The following FER1L5 variants were observed in gnomAD, a reference collection of about 807,000 sequenced individuals.
The protein encoded by FER1L5 is fer-1 like family member 5, also known as fer-1-like protein 5.
Under a neutral mutation model 279.9 loss-of-function variants are expected in FER1L5, and 187 were observed. That is an observed-to-expected ratio of 0.67 (90% CI 0.59 to 0.75). The LOEUF is 0.75. Ranked by LOEUF, FER1L5 falls within the 30% of genes least tolerant of loss-of-function variation. The probability of loss-of-function intolerance (pLI) is 0.00; values close to 1 mark genes in which losing one functional copy is unlikely to be tolerated. For synonymous variants in FER1L5, 921 were observed against 989.7 expected (o/e 0.93, Z 1.30); for missense variants, 2,091 against 2,594.4 (o/e 0.81, Z 4.21).
At position 96,647,055 on chromosome 2, in the gene FER1L5, C is replaced by G; in HGVS notation, c.139-9C>G. 1.3e-6 allele frequency: 2 copies of G among 1,551,372 alleles called. No individual in the cohort carries two copies. The highest frequency in any genetic ancestry group is 2.0e-5 in the Admixed American group (1 of 50,978). On this transcript the variant is annotated splice_polypyrimidine_tract_variant and intron_variant, in intron 2 of 52. Coordinates refer to ENST00000624922, the MANE Select transcript of FER1L5 (RefSeq NM_001293083.2). ...AGGGAGGATGCTGACCTCTCTATGC[C>G]CCCCACAGACCCTAATCTGGCACCT...
In FER1L5 at chr2:96,691,927, C is replaced by G; in HGVS notation, c.3178C>G (p.Pro1060Ala). 1 of 1,550,944 alleles carries G rather than the reference C, an allele frequency of 6.4e-7. No homozygotes were observed. ...FRDPQRQDTR[P>A]PNLPFIYCTF... ...GGACCCCCAGAGGCAGGACACCCGG[C>G]CCCCCAACTTGCCCTTCATCTACTG... Residue 1060 changes from proline to alanine, a missense_variant, in exon 30 of 53, where the codon CCC (proline) becomes GCC (alanine). By Grantham distance (27) the Pro-to-Ala change is conservative. Transcript: ENST00000624922. The surrounding 1 kb of genome is among the most constrained non-coding windows in gnomAD (Gnocchi z 6.0).
Position 96,689,173 on chromosome 2 carries a change from C to T in FER1L5, c.2362-40C>T. 6.5e-7 allele frequency: 1 copy of T among 1,541,452 alleles called. No homozygotes were observed. The highest frequency in any genetic ancestry group is 8.7e-7 in the Non-Finnish European group (1 of 1,143,510). On this transcript the variant is annotated intron_variant, in intron 24 of 52. Coordinates refer to ENST00000624922, the MANE Select transcript of FER1L5 (RefSeq NM_001293083.2). The surrounding 1 kb of genome is among the most constrained non-coding windows in gnomAD (Gnocchi z 4.6). ...GAGGCCCATGTCCCCGCACTTTGTG[C>T]TAGAGGAGGCGGCCGCCCTGACAAG...
At chr2:96,664,937 C>G (rs2076077125) in intron 14 of FER1L5, among the ~76,000 whole-genome samples, 1 of 152,168 alleles carries the variant, frequency 6.6e-6, no homozygotes, top group Non-Finnish European at 1.5e-5. Context: ...TAGTTATTAT[C>G]CTGGGCTATC....
At chr2:96,682,991 C>T (rs914226101) in intron 19 of FER1L5, among the ~76,000 whole-genome samples, 4 of 152,186 alleles carry the variant, frequency 2.6e-5, no homozygotes, top group Admixed American at 1.3e-4. Context: ...TGCCAACATC[C>T]GTGAGGCCCC....
intron 19 of FER1L5, among the ~76,000 whole-genome samples, chr2:96,679,068 G>A (rs2076616216): frequency 6.6e-6 from 1 of 151,972 alleles, no homozygotes; most frequent in Non-Finnish European, 1.5e-5. Context: ...AAGTTTTCTA[G>A]TTTTGGCTGG....
Position 96,691,305 on chromosome 2 carries a change from C to T in FER1L5, c.2859C>T (p.Asn953=). The change falls in exon 28 of 53, where the codon AAC becomes AAT. Residue 953 remains asparagine (N), a synonymous_variant. Transcript: ENST00000624922. This position sits in a 1 kb window ranked among gnomAD's most constrained non-coding sequence, Gnocchi z 6.0. The part of the protein sequence containing the change: ...RRRWARVRFR[N]HGELSHEQET... ...GCTGGGCGCGTGTGCGCTTCAGGAA[C>T]CATGGGGAGCTGAGCCACGAGCAGG... is the stretch of plus-strand genomic sequence containing the variant. 6.4e-7 allele frequency: 1 copy of T among 1,550,572 alleles called. No homozygotes were observed. The highest frequency in any genetic ancestry group is 8.7e-7 in the Non-Finnish European group (1 of 1,146,828).
In FER1L5 at chr2:96,673,220, C is replaced by T. The variant is rs529265538; in HGVS notation, c.1635C>T (p.Val545=). The change falls in exon 19 of 53, where the codon GTC becomes GTT. Residue 545 remains valine (V), a synonymous_variant. Coordinates refer to ENST00000624922, the MANE Select transcript of FER1L5 (RefSeq NM_001293083.2). The part of the protein sequence containing the change: ...NKMDLNYKPL[V]SSTPYSPVIY... ...TGGACCTGAATTACAAGCCTCTAGT[C>T]TCAAGCACACCGTACAGCCCAGTGA... 1.3e-6 allele frequency: 2 copies of T among 1,551,554 alleles called. No homozygotes were observed. Among genetic ancestry groups the T allele is most frequent in the Non-Finnish European group, 1.7e-6 (2 of 1,146,950 alleles).
At position 96,702,178 on chromosome 2, in the gene FER1L5, C is replaced by G. The variant is rs369044730; in HGVS notation, c.5160-128C>G. ...GGAAGAGAGGAAGCTCTACTGGGAG[C>G]TTTCTTCCCCTGAATTCCCCACACT... On this transcript the variant is annotated intron_variant, in intron 46 of 52. Transcript: ENST00000624922. This position sits in a 1 kb window ranked among gnomAD's most constrained non-coding sequence, Gnocchi z 4.0. The G allele has an allele frequency of 2.9e-5, 46 of 1,561,146 alleles. No individual in the cohort carries two copies. In the East Asian group the frequency reaches 8.8e-4, roughly 30 times the overall value.
chr2:96,662,180 G>A, intron 12 of FER1L5, 35 bp from the exon 13 acceptor site: 6 of 1,549,042 alleles, frequency 3.9e-6, no homozygotes, highest in Non-Finnish European at 4.4e-6. Context: ...GAAAAATGCT[G>A]CTGGCTCAGA....
In FER1L5 at chr2:96,659,410, T is replaced by G. The variant is rs1170236552; in HGVS notation, c.748-931T>G. Among the ~76,000 whole-genome samples the G allele has an allele frequency of 6.8e-4, 5 of 7,392 alleles. No individual in the cohort carries two copies. The East Asian group carries it at 0.019, about 28-fold the overall frequency. 4.8% of individuals were successfully genotyped at this position (7,392 alleles called of 152,430 possible). On this transcript the variant is annotated intron_variant, in intron 9 of 52. Coordinates refer to ENST00000624922, the MANE Select transcript of FER1L5 (RefSeq NM_001293083.2). ...CTTTCTTTCTTTCTTTCTTTCTTTC[T>G]TTCTTTCTTTCTTTCTTTCTTTCTT...
rs566243102 is a variant in FER1L5, at chr2:96,655,123, G to A, written c.747+627G>A. Among the ~76,000 whole-genome samples, 30 of 152,242 alleles carry A rather than the reference G, an allele frequency of 2.0e-4. No homozygotes were observed. The South Asian group carries it at 5.8e-3, about 30-fold the overall frequency. ...ACACTCCCATGATACTGTGGACACAGTTCAAATCTCTGCCTCCAGGAAGTA... is the reference window on the plus strand; with the variant it reads ...ACACTCCCATGATACTGTGGACACAATTCAAATCTCTGCCTCCAGGAAGTA... On this transcript the variant is annotated intron_variant, in intron 9 of 52. Coordinates refer to ENST00000624922, the MANE Select transcript of FER1L5 (RefSeq NM_001293083.2).
intron 17 of FER1L5, among the ~76,000 whole-genome samples, chr2:96,669,728 AG>A: frequency 6.6e-6 from 1 of 152,330 alleles, no homozygotes; most frequent in African/African-American, 2.4e-5. Context: ...CACAGCCTCC[AG>A]CAGGGAAGGC....
chr2:96,661,935 C>T, intron 12 of FER1L5, 144 bp downstream of exon 12: 1 of 1,240,334 alleles, frequency 8.1e-7, no homozygotes. Context: ...GAATTGCTCC[C>T]AGACTTGTCC....
chr2:96,688,083 T>C (rs1245002921), intron 24 of FER1L5, 136 bp downstream of exon 24: 4 of 1,197,900 alleles, frequency 3.3e-6, no homozygotes, highest in Non-Finnish European at 4.6e-6. Flanking sequence ...AGCCCTGCAC[T>C]GAAGAGGAAG....
chr2:96,692,286 C>A, intron 31 of FER1L5, 105 bp downstream of exon 31: 1 of 1,259,280 alleles, frequency 7.9e-7, no homozygotes, highest in Non-Finnish European at 1.1e-6. Context: ...CAGTCCCAGC[C>A]AGGGCCCCTG....
chr2:96,646,301 T>G, intron 1 of FER1L5, 100 bp from the exon 2 acceptor site: 1 of 1,344,374 alleles, frequency 7.4e-7, no homozygotes, highest in Non-Finnish European at 1.0e-6. Context: ...CCCGGCCGAC[T>G]TGAAGTTTTC....
At chr2:96,695,478 C>G in intron 34 of FER1L5, 31 bp from the exon 35 acceptor site, 1 of 1,551,656 alleles carries the variant, frequency 6.4e-7, no homozygotes, top group Non-Finnish European at 8.7e-7. Flanking sequence ...CTGCCTGCCC[C>G]TTGTCCTGCC....
chr2:96,653,605 A>T (rs1251522136), intron 7 of FER1L5, 35 bp from the exon 8 acceptor site: 1 of 1,496,104 alleles, frequency 6.7e-7, no homozygotes, highest in East Asian at 2.5e-5. Context: ...TGGCGGAAGA[A>T]ATCATCCACT....
intron 14 of FER1L5, among the ~76,000 whole-genome samples, chr2:96,667,343 T>C (rs754846430): frequency 2.0e-5 from 3 of 151,846 alleles, no homozygotes; most frequent in Non-Finnish European, 4.4e-5. Flanking sequence ...TATTATTATT[T>C]ATTCTTTTTT....
Sources: allele counts gnomAD v4.1 joint callset (sites outside exome capture counted in the v4.1 genomes callset), GRCh38; gene constraint gnomAD v4.1.1; non-coding constraint Gnocchi (gnomAD v3.1); transcripts MANE v1.5; gene names NCBI Gene and HGNC (gene_info 2026-07-23, HGNC 2026-07-21).